Variants in TMEM248 observed in about 807,000 individuals in gnomAD.
TMEM248 encodes transmembrane protein 248.
TMEM248 carries 9 observed loss-of-function variants against 30.3 expected under a neutral mutation model. The ratio of observed to expected loss-of-function variants is 0.30; its 90% CI spans 0.18 to 0.52. The LOEUF is 0.52. TMEM248 is among the 20% of genes least tolerant of loss of function. The pLI is 0.97. For missense variants in TMEM248, 338 were observed against 403.3 expected (o/e 0.84, Z 1.39); for synonymous variants, 184 against 154.4 (o/e 1.19, Z -1.42).
chr7:66,939,516 G>A (rs1791891685), intron 1 of TMEM248, among the ~76,000 whole-genome samples: 1 of 152,124 alleles, frequency 6.6e-6, no homozygotes, highest in Non-Finnish European at 1.5e-5. Flanking sequence ...AAATTTAAAC[G>A]CTGATACAGA....
chr7:66,928,003 T>G (rs1791568496), intron 1 of TMEM248, among the ~76,000 whole-genome samples: 2 of 152,112 alleles, frequency 1.3e-5, no homozygotes, highest in South Asian at 4.1e-4. Flanking sequence ...TCACCTGAGG[T>G]CAGGAATTCA....
intron 3 of TMEM248, 50 bp downstream of exon 3, chr7:66,945,311 A>G (rs1321295068): frequency 6.3e-7 from 1 of 1,577,278 alleles, no homozygotes; most frequent in Admixed American, 1.7e-5. Flanking sequence ...CCACTGTTAC[A>G]AAAAGAGGAT....
chr7:66,929,928 C>T (rs568133823), intron 1 of TMEM248, among the ~76,000 whole-genome samples: 41 of 152,088 alleles, frequency 2.7e-4, no homozygotes, highest in East Asian at 5.8e-4. Context: ...GGGAGGCTGA[C>T]GCGGGAGGAT....
At chr7:66,953,921 T>TA (rs1489195582) in intron 6 of TMEM248, among the ~76,000 whole-genome samples, 1 of 145,262 alleles carries the variant, frequency 6.9e-6, no homozygotes, top group Non-Finnish European at 1.5e-5. Context: ...TCTGTAACGT[T>TA]AATCTCTAGA....
chr7:66,927,875 T>A (rs960230654), intron 1 of TMEM248, among the ~76,000 whole-genome samples: 7 of 152,142 alleles, frequency 4.6e-5, no homozygotes, highest in African/African-American at 1.4e-4. Flanking sequence ...TGCTTCATAC[T>A]CTTAACTGAT....
At chr7:66,948,388 G>A (rs1361346672) in intron 3 of TMEM248, among the ~76,000 whole-genome samples, 156 bp from the exon 4 acceptor site, 1 of 152,112 alleles carries the variant, frequency 6.6e-6, no homozygotes, top group Non-Finnish European at 1.5e-5. Context: ...TCATGGTCAG[G>A]GTCAGGACTG....
chr7:66,930,987 C>T (rs1162405465), intron 1 of TMEM248: 3 of 152,498 alleles, frequency 2.0e-5, no homozygotes, highest in Non-Finnish European at 4.4e-5. Flanking sequence ...CCCATTTAAC[C>T]TAAGGTAGAA....
chr7:66,939,721 T>C (rs145823653), intron 1 of TMEM248, among the ~76,000 whole-genome samples: 1 of 151,914 alleles, frequency 6.6e-6, no homozygotes, highest in East Asian at 1.9e-4. Context: ...ATAATTGTGC[T>C]CTTGGTTGAT....
chr7:66,929,915 T>C (rs1562937342), intron 1 of TMEM248, among the ~76,000 whole-genome samples: 1 of 151,950 alleles, frequency 6.6e-6, no homozygotes, highest in Admixed American at 6.6e-5. Flanking sequence ...AATCCCAGCA[T>C]TTGGGAGGCT....
At chr7:66,930,105 A>C (rs1042413128) in intron 1 of TMEM248, among the ~76,000 whole-genome samples, 3 of 152,192 alleles carry the variant, frequency 2.0e-5, no homozygotes, top group Non-Finnish European at 4.4e-5. Flanking sequence ...GGCGGCTGCC[A>C]TGCTCATACC....
chr7:66,942,583 C>T (rs1030381497), intron 2 of TMEM248, among the ~76,000 whole-genome samples: 14 of 152,194 alleles, frequency 9.2e-5, no homozygotes, highest in African/African-American at 3.4e-4. Context: ...GCAACTTCCA[C>T]CTCCCGGGCT....
rs758528379 is a variant in TMEM248, at chr7:66,955,837, G to A, written c.*315G>A. 9 of 345,584 alleles carry A rather than the reference G, an allele frequency of 2.6e-5. No individual in the cohort carries two copies. Among genetic ancestry groups the A allele is most frequent in the Non-Finnish European group, 4.2e-5 (8 of 192,190 alleles). 21.4% of individuals were successfully genotyped at this position (345,584 alleles called of 1,614,324 possible). A position where few individuals can be genotyped will look rare whatever the true frequency, so the allele number is the denominator to read the frequency against. On this transcript the variant is annotated 3_prime_UTR_variant, in exon 7 of 7. Coordinates refer to ENST00000341567, the MANE Select transcript of TMEM248 (RefSeq NM_017994.5). ...ATTCCTGGATCTAGCTGGTCACGACGATGTTTTCACCAAGGTCACAGGAGC... is the reference window on the plus strand; with the variant it reads ...ATTCCTGGATCTAGCTGGTCACGACAATGTTTTCACCAAGGTCACAGGAGC...
intron 1 of TMEM248, among the ~76,000 whole-genome samples, chr7:66,937,721 T>C (rs1791841335): frequency 6.6e-6 from 1 of 152,166 alleles, no homozygotes; most frequent in Admixed American, 6.6e-5. Flanking sequence ...CTTTATTTTC[T>C]TTTTTTGAGA....
intron 1 of TMEM248, among the ~76,000 whole-genome samples, chr7:66,941,378 C>CAA (rs531732717): frequency 4.8e-5 from 3 of 62,970 alleles, no homozygotes; most frequent in Non-Finnish European, 6.5e-5. Context: ...GACTCCGTCT[C>CAA]AAAAAAAAAA....
At chr7:66,926,358 G>C (rs1023932989) in intron 1 of TMEM248, among the ~76,000 whole-genome samples, 1 of 152,166 alleles carries the variant, frequency 6.6e-6, no homozygotes, top group African/African-American at 2.4e-5. Context: ...CGTGGCTTAC[G>C]CCTGTAATGC....
At position 66,955,870 on chromosome 7, in the gene TMEM248, C is replaced by T; in HGVS notation, c.*348C>T. ...CACCAAGGTCACAGGAGCATTGCGT[C>T]GCTGATGGGGTTGAAGTTTGGTTTG... On this transcript the variant is annotated 3_prime_UTR_variant, in exon 7 of 7. Coordinates refer to ENST00000341567, the MANE Select transcript of TMEM248 (RefSeq NM_017994.5). 1 of 266,356 alleles carries T rather than the reference C, an allele frequency of 3.8e-6. No individual in the cohort carries two copies. Among genetic ancestry groups the T allele is most frequent in the South Asian group, 1.0e-4 (1 of 9,920 alleles). The allele number at this position is 266,356 out of a possible 1,614,324, so 16.5% of individuals were successfully genotyped here. A position where few individuals can be genotyped will look rare whatever the true frequency, so the allele number is the denominator to read the frequency against.
intron 1 of TMEM248, among the ~76,000 whole-genome samples, chr7:66,940,095 A>G (rs549542020): frequency 1.6e-4 from 25 of 152,256 alleles, no homozygotes; most frequent in Admixed American, 1.6e-3. Flanking sequence ...CTGGGATTAC[A>G]GGTGTGCACC....
rs193054655 is a variant in TMEM248 at position 66,924,108 on chromosome 7, G to A, written c.-19+2647G>A. ...CATTCCTGTCTGGTATTGACAATCA[G>A]GAAATTAAATTTGATGTCTGTGAGT... On this transcript the variant is annotated intron_variant, in intron 1 of 6. Coordinates refer to ENST00000341567, the MANE Select transcript of TMEM248 (RefSeq NM_017994.5). Among the ~76,000 whole-genome samples the A allele has an allele frequency of 3.7e-4, 57 of 152,382 alleles. 1 individual carries two copies. The highest frequency in any genetic ancestry group is 5.9e-4 in the Admixed American group (9 of 15,308).
At chr7:66,934,025 T>TG (rs1791737637) in intron 1 of TMEM248, among the ~76,000 whole-genome samples, 1 of 151,846 alleles carries the variant, frequency 6.6e-6, no homozygotes, top group Non-Finnish European at 1.5e-5. Flanking sequence ...CATTTGCCAC[T>TG]GTGACGCTTA....
Sources: gnomAD v4.1 joint callset for allele counts (sites outside exome capture counted in the v4.1 genomes callset) on GRCh38, gnomAD v4.1.1 for gene constraint, MANE v1.5 for transcripts, NCBI Gene and HGNC (gene_info 2026-07-23, HGNC 2026-07-21) for gene names.